The following MORN4 variants were observed in gnomAD, a reference collection of about 807,000 sequenced individuals.
MORN4 encodes the protein MORN repeat-containing protein 4.
In MORN4, 8 loss-of-function variants were observed where a neutral mutation model predicts 16.4. The observed-to-expected ratio is 0.49, with a 90% CI of 0.29 to 0.88. The LOEUF is 0.88. MORN4 is among the 40% of genes least tolerant of loss of function. MORN4 has a pLI of 0.09. For missense variants in MORN4, 159 were observed against 182.9 expected, an observed-to-expected ratio of 0.87 and a Z score of 0.75; for synonymous variants, 53 against 68.9, an observed-to-expected ratio of 0.77 and a Z score of 1.14.
intron 1 of MORN4, among the ~76,000 whole-genome samples, chr10:97,631,671 C>T (rs570283192): frequency 1.3e-4 from 20 of 151,468 alleles, no homozygotes; most frequent in Admixed American, 3.9e-4. Context: ...TGATGGCTCA[C>T]TCCTGTAATC....
At chr10:97,630,091 AT>A (rs1003110945) in intron 1 of MORN4, among the ~76,000 whole-genome samples, 3 of 150,574 alleles carry the variant, frequency 2.0e-5, no homozygotes, top group Non-Finnish European at 4.4e-5. Context: ...TGCCCAGCTA[AT>A]TTTTTTTTGT....
chr10:97,618,516 C>A (rs2041259381), intron 2 of MORN4, among the ~76,000 whole-genome samples: 1 of 152,134 alleles, frequency 6.6e-6, no homozygotes, highest in Admixed American at 6.5e-5. Flanking sequence ...CCAGGCATTT[C>A]TTCCTGGCTT....
chr10:97,623,349 C>T lies in MORN4; in HGVS notation c.-30-3666G>A, dbSNP rs138675183. ...AATTCCAGCACTTTGGGAGGCTGAG[C>T]AGGGACAATTGCTTGAGCCCAGGAG... On this transcript the variant is annotated intron_variant, in intron 1 of 4. Coordinates refer to ENST00000307450, the MANE Select transcript of MORN4 (RefSeq NM_178832.4). Among the ~76,000 whole-genome samples the T allele has an allele frequency of 6.6e-5, 10 of 152,216 alleles. No homozygotes were observed. The East Asian group carries it at 1.9e-3, about 29-fold the overall frequency.
chr10:97,620,131 C>T (rs1054586576), intron 1 of MORN4, among the ~76,000 whole-genome samples: 1 of 151,568 alleles, frequency 6.6e-6, no homozygotes, highest in Non-Finnish European at 1.5e-5. Flanking sequence ...CATGAGATGG[C>T]CAGAATTTAA....
chr10:97,621,269 C>T (rs1325990639), intron 1 of MORN4, among the ~76,000 whole-genome samples: 1 of 152,104 alleles, frequency 6.6e-6, no homozygotes, highest in African/African-American at 2.4e-5. Context: ...GTCCTTTTTT[C>T]CTGTACAGCA....
At chr10:97,620,851 G>A (rs1465761849) in intron 1 of MORN4, among the ~76,000 whole-genome samples, 1 of 151,946 alleles carries the variant, frequency 6.6e-6, no homozygotes. Flanking sequence ...GGCCGGGCGT[G>A]GTAGCTCATG....
At chr10:97,626,744 C>G (rs2041350981) in intron 1 of MORN4, among the ~76,000 whole-genome samples, 1 of 146,878 alleles carries the variant, frequency 6.8e-6, no homozygotes. Context: ...GCATGAGCCA[C>G]TGTGCCCAGA....
chr10:97,633,385 G>C lies in MORN4; in HGVS notation c.-69C>G. Reference sequence around the variant, plus strand: ...TTCGGGATGACCGTCACGCCTGGACGCAGGGTTCCAGCGCCTCGGACTTTT... The same window carrying C: ...TTCGGGATGACCGTCACGCCTGGACCCAGGGTTCCAGCGCCTCGGACTTTT... On this transcript the variant is annotated 5_prime_UTR_variant, in exon 1 of 5. Transcript: ENST00000307450. The surrounding 1 kb of genome is among the most constrained non-coding windows in gnomAD (Gnocchi z 4.5). 1 of 1,289,898 alleles carries C rather than the reference G, an allele frequency of 7.8e-7. No homozygotes were observed. The highest frequency in any genetic ancestry group is 1.0e-6 in the Non-Finnish European group (1 of 988,910). The allele number at this position is 1,289,898 out of a possible 1,614,324, so 79.9% of individuals were successfully genotyped here.
intron 1 of MORN4, among the ~76,000 whole-genome samples, chr10:97,625,885 A>G (rs2041341646): frequency 6.6e-6 from 1 of 152,144 alleles, no homozygotes; most frequent in South Asian, 2.1e-4. Flanking sequence ...CTTCTGCCCC[A>G]GCCTCCCAAG....
At chr10:97,616,509 G>C (rs1164466125) in intron 4 of MORN4, 98 bp from the exon 5 acceptor site, 4 of 1,406,522 alleles carry the variant, frequency 2.8e-6, no homozygotes, top group Non-Finnish European at 3.9e-6. Flanking sequence ...CCAAAGAAGA[G>C]AAAAACTCCC....
Position 97,633,054 on chromosome 10 carries a change from C to T in MORN4, c.-31+293G>A, listed in dbSNP as rs1187525833. 3.9e-5 allele frequency among the ~76,000 whole-genome samples: 6 copies of T among 152,272 alleles called. No homozygotes were observed. Among genetic ancestry groups the T allele is most frequent in the African/African-American group, 9.6e-5 (4 of 41,558 alleles). On this transcript the variant is annotated intron_variant, in intron 1 of 4. Coordinates refer to ENST00000307450, the MANE Select transcript of MORN4 (RefSeq NM_178832.4). The surrounding 1 kb of genome is among the most constrained non-coding windows in gnomAD (Gnocchi z 4.5). ...GCGCGTTCCTTCCTGCTATCCGGGCCCGCTCTCCCGCCCGGCAGGGTCTAA... is the reference window on the plus strand; with the variant it reads ...GCGCGTTCCTTCCTGCTATCCGGGCTCGCTCTCCCGCCCGGCAGGGTCTAA...
At chr10:97,631,874 C>T in intron 1 of MORN4, among the ~76,000 whole-genome samples, 1 of 151,986 alleles carries the variant, frequency 6.6e-6, no homozygotes, top group East Asian at 1.9e-4. Flanking sequence ...TTTGAGGCTG[C>T]CGGGGTGAGC....
intron 1 of MORN4, among the ~76,000 whole-genome samples, chr10:97,627,139 T>C (rs571111653): frequency 9.0e-6 from 1 of 111,396 alleles, no homozygotes; most frequent in African/African-American, 6.9e-5. Context: ...CCTGAACACC[T>C]TTTTTTTTTT....
At chr10:97,622,651 G>A (rs138288353) in intron 1 of MORN4, among the ~76,000 whole-genome samples, 1 of 138,266 alleles carries the variant, frequency 7.2e-6, no homozygotes. Flanking sequence ...CCAAGATCAC[G>A]CCACGACACT....
At position 97,615,408 on chromosome 10, in the gene MORN4, C is replaced by T. The variant is rs1326230054; in HGVS notation, c.*855G>A. On this transcript the variant is annotated 3_prime_UTR_variant, in exon 5 of 5. Transcript: ENST00000307450. ...ATGAGCCTGAGCCACATAGCAAGACCCTGGCTCAATTTTTTATAATAATAA... is the reference window on the plus strand; with the variant it reads ...ATGAGCCTGAGCCACATAGCAAGACTCTGGCTCAATTTTTTATAATAATAA... 2.0e-5 allele frequency: 3 copies of T among 152,162 alleles called. No individual in the cohort carries two copies. Among genetic ancestry groups the T allele is most frequent in the African/African-American group, 7.2e-5 (3 of 41,438 alleles). 9.4% of individuals were successfully genotyped at this position (152,162 alleles called of 1,614,324 possible).
chr10:97,633,522 T>G (rs907064178), upstream of MORN4: 84 of 1,289,716 alleles, frequency 6.5e-5, no homozygotes, highest in Non-Finnish European at 7.8e-5. This position sits in a 1 kb window ranked among gnomAD's most constrained non-coding sequence, Gnocchi z 4.5. Context: ...CCGCTGCCCA[T>G]TGGCTGTTAC....
At chr10:97,627,611 A>G (rs979643444) in intron 1 of MORN4, among the ~76,000 whole-genome samples, 2 of 152,188 alleles carry the variant, frequency 1.3e-5, no homozygotes, top group African/African-American at 4.8e-5. Context: ...CCCAAATAAG[A>G]GAAAAGATTC....
At chr10:97,617,151 T>A (rs1589917224) in intron 3 of MORN4, 57 bp downstream of exon 3, 11 of 1,368,176 alleles carry the variant, frequency 8.0e-6, no homozygotes, top group Non-Finnish European at 1.0e-5. Context: ...CAGAGTCCCA[T>A]TTTTCTGTCA....
chr10:97,633,308 C>T lies in MORN4; in HGVS notation c.-31+39G>A. The T allele has an allele frequency of 7.8e-7, 1 of 1,287,398 alleles. No individual in the cohort carries two copies. The highest frequency in any genetic ancestry group is 1.0e-6 in the Non-Finnish European group (1 of 987,772). 79.7% of individuals were successfully genotyped at this position (1,287,398 alleles called of 1,614,324 possible). ...CTCAGTGCCCACCTGACCGATCACA[C>T]TCTTTCCCGGCCCCCTCCCTCCTGC... On this transcript the variant is annotated intron_variant, in intron 1 of 4. Coordinates refer to ENST00000307450, the MANE Select transcript of MORN4 (RefSeq NM_178832.4). The surrounding 1 kb of genome is among the most constrained non-coding windows in gnomAD (Gnocchi z 4.5).
Sources: allele counts gnomAD v4.1 joint callset (sites outside exome capture counted in the v4.1 genomes callset), GRCh38; gene constraint gnomAD v4.1.1; non-coding constraint Gnocchi (gnomAD v3.1); transcripts MANE v1.5; gene names NCBI Gene and HGNC (gene_info 2026-07-23, HGNC 2026-07-21).